The following ARHGAP22 variants were observed in gnomAD, a reference collection of about 807,000 sequenced individuals.
ARHGAP22 encodes rho GTPase-activating protein 22.
In ARHGAP22, 48 loss-of-function variants were observed where a neutral mutation model predicts 59.1. The observed-to-expected ratio is 0.81, with a 90% CI of 0.64 to 1.03. ARHGAP22 has a LOEUF of 1.03. ARHGAP22 is among the 50% of genes least tolerant of loss of function. The probability of loss-of-function intolerance (pLI) is 0.00; values close to 1 mark genes in which losing one functional copy is unlikely to be tolerated. For synonymous variants in ARHGAP22, 445 were observed against 416.4 expected (o/e 1.07, Z -0.84); for missense variants, 1,015 against 958.7 (o/e 1.06, Z -0.78).
intron 4 of ARHGAP22, among the ~76,000 whole-genome samples, chr10:48,472,991 G>A (rs568454890): frequency 6.6e-6 from 1 of 152,240 alleles, no homozygotes; most frequent in Non-Finnish European, 1.5e-5. Flanking sequence ...TCCCACTTCT[G>A]GGTATATACC....
chr10:48,523,453 G>A (rs1393610297), intron 3 of ARHGAP22, among the ~76,000 whole-genome samples: 2 of 152,174 alleles, frequency 1.3e-5, no homozygotes, highest in Admixed American at 6.5e-5. Flanking sequence ...GGCCGCCAAC[G>A]TCCTAAGCGT....
At chr10:48,557,589 C>T (rs1463571395) in intron 2 of ARHGAP22, among the ~76,000 whole-genome samples, 1 of 152,212 alleles carries the variant, frequency 6.6e-6, no homozygotes, top group Non-Finnish European at 1.5e-5. Flanking sequence ...GGGACGTCAG[C>T]TCAGGTGTGC....
intron 1 of ARHGAP22, among the ~76,000 whole-genome samples, chr10:48,649,080 C>T (rs886891877): frequency 2.0e-5 from 3 of 152,210 alleles, no homozygotes; most frequent in African/African-American, 4.8e-5. Flanking sequence ...TATGAACATT[C>T]TCATCAGATC....
At chr10:48,542,823 C>A (rs1302380654) in intron 3 of ARHGAP22, among the ~76,000 whole-genome samples, 1 of 152,140 alleles carries the variant, frequency 6.6e-6, no homozygotes, top group Admixed American at 6.5e-5. Context: ...GGTGGCCTGT[C>A]CACTGCAGGT....
chr10:48,516,045 AG>A (rs2053258389), intron 3 of ARHGAP22, among the ~76,000 whole-genome samples: 1 of 151,968 alleles, frequency 6.6e-6, no homozygotes, highest in South Asian at 2.1e-4. Context: ...CAAAAAAACT[AG>A]AAAAACAATA....
At chr10:48,557,216 G>A (rs1051112468) in intron 2 of ARHGAP22, among the ~76,000 whole-genome samples, 3 of 152,038 alleles carry the variant, frequency 2.0e-5, no homozygotes, top group African/African-American at 7.2e-5. Context: ...AGAGGGTGTG[G>A]GTGAGATCCA....
chr10:48,604,968 C>G lies in ARHGAP22; in HGVS notation c.-172G>C. 6.7e-7 allele frequency: 1 copy of G among 1,499,846 alleles called. No homozygotes were observed. Among genetic ancestry groups the G allele is most frequent in the Admixed American group, 2.2e-5 (1 of 45,828 alleles). 92.9% of individuals were successfully genotyped at this position (1,499,846 alleles called of 1,614,324 possible). On this transcript the variant is annotated 5_prime_UTR_variant, in exon 1 of 10. Coordinates refer to ENST00000249601, the MANE Select transcript of ARHGAP22 (RefSeq NM_021226.4). The stretch of plus-strand genomic sequence containing the variant: ...ACCTCTCCTGGCTCCGGACGGACGG[C>G]TCGCCTTGGACTACATAAACCTCGA...
upstream of ARHGAP22, among the ~76,000 whole-genome samples, chr10:48,655,056 C>T (rs1473083615): frequency 5.6e-5 from 1 of 17,744 alleles, no homozygotes; most frequent in Admixed American, 6.7e-4. Context: ...CTTTCTTTCT[C>T]CTTCCTTCCC....
chr10:48,577,130 A>G (rs1283966587), intron 2 of ARHGAP22, among the ~76,000 whole-genome samples: 1 of 151,852 alleles, frequency 6.6e-6, no homozygotes, highest in Non-Finnish European at 1.5e-5. Context: ...TCTTCCTAGA[A>G]GTGTCAAGTT....
At chr10:48,485,793 G>T (rs2049795730) in intron 3 of ARHGAP22, among the ~76,000 whole-genome samples, 2 of 152,084 alleles carry the variant, frequency 1.3e-5, no homozygotes, top group Admixed American at 6.5e-5. Flanking sequence ...TGAAATCCTT[G>T]ATATAAATAT....
intron 1 of ARHGAP22, among the ~76,000 whole-genome samples, chr10:48,638,407 T>C (rs2061912436): frequency 6.6e-6 from 1 of 152,122 alleles, no homozygotes; most frequent in Non-Finnish European, 1.5e-5. Flanking sequence ...GTGTTGTGTG[T>C]GTGTGTGTAT....
Position 48,597,678 on chromosome 10 carries a change from C to G in ARHGAP22, c.34+7085G>C, listed in dbSNP as rs190726977. Reference sequence around the variant, plus strand: ...GGAAGCCTCTCTCCTCTCTTCTGGACTTTGTTCAGGGGCTGATGGCCCAGG... The same window carrying G: ...GGAAGCCTCTCTCCTCTCTTCTGGAGTTTGTTCAGGGGCTGATGGCCCAGG... On this transcript the variant is annotated intron_variant, in intron 1 of 9. Transcript: ENST00000249601. Among the ~76,000 whole-genome samples, 34 of 152,326 alleles carry G rather than the reference C, an allele frequency of 2.2e-4. No homozygotes were observed. In the East Asian group the frequency reaches 6.6e-3, roughly 29 times the overall value.
At chr10:48,537,748 G>T (rs147147196) in intron 3 of ARHGAP22, among the ~76,000 whole-genome samples, 2 of 152,216 alleles carry the variant, frequency 1.3e-5, no homozygotes, top group African/African-American at 4.8e-5. Flanking sequence ...GCAGGCCTCC[G>T]GGAGCGGCAC....
intron 1 of ARHGAP22, among the ~76,000 whole-genome samples, chr10:48,585,722 T>C (rs1053620152): frequency 6.6e-6 from 1 of 152,196 alleles, no homozygotes; most frequent in Admixed American, 6.5e-5. Flanking sequence ...CGCTCCACCT[T>C]GATTCTCTGT....
chr10:48,499,274 C>T (rs1160177327), intron 3 of ARHGAP22, among the ~76,000 whole-genome samples: 2 of 152,204 alleles, frequency 1.3e-5, no homozygotes, highest in Admixed American at 1.3e-4. Flanking sequence ...GTACAGATGG[C>T]GTGAGAGCCA....
upstream of ARHGAP22, among the ~76,000 whole-genome samples, chr10:48,609,793 G>A (rs1465534892): frequency 1.3e-5 from 2 of 152,114 alleles, no homozygotes; most frequent in Non-Finnish European, 2.9e-5. Flanking sequence ...GGCCTGTTGC[G>A]AGATCTTTAG....
intron 1 of ARHGAP22, among the ~76,000 whole-genome samples, chr10:48,589,537 A>G (rs2059628234): frequency 6.6e-6 from 1 of 152,074 alleles, no homozygotes; most frequent in Non-Finnish European, 1.5e-5. Context: ...GTCCAAATTC[A>G]ACATGTCTCT....
intron 1 of ARHGAP22, among the ~76,000 whole-genome samples, chr10:48,613,686 A>T (rs190079799): frequency 3.9e-5 from 6 of 152,036 alleles, no homozygotes; most frequent in Admixed American, 3.9e-4. Context: ...AAAAAAAAAG[A>T]ATAGAAAAAT....
chr10:48,631,948 G>A (rs1480308040), intron 1 of ARHGAP22, among the ~76,000 whole-genome samples: 1 of 152,058 alleles, frequency 6.6e-6, no homozygotes, highest in Non-Finnish European at 1.5e-5. Context: ...TCTTTATTTA[G>A]TCTCACTTTT....
Sources: gnomAD v4.1 joint callset for allele counts (sites outside exome capture counted in the v4.1 genomes callset) on GRCh38, gnomAD v4.1.1 for gene constraint, MANE v1.5 for transcripts, NCBI Gene and HGNC (gene_info 2026-07-23, HGNC 2026-07-21) for gene names.